Variants in PAPPA observed in about 807,000 individuals in gnomAD.
PAPPA encodes the protein pappalysin 1, also known as pappalysin-1.
Under a neutral mutation model 164.0 loss-of-function variants are expected in PAPPA, and 60 were observed. The ratio of observed to expected loss-of-function variants is 0.37; its 90% confidence interval spans 0.30 to 0.45. The LOEUF (loss-of-function observed/expected upper bound fraction) is 0.45. Among genes scored for constraint, PAPPA ranks in the 20% least tolerant of loss-of-function variants. The probability of loss-of-function intolerance (pLI) is 1.00; values close to 1 mark genes in which losing one functional copy is unlikely to be tolerated. For synonymous variants in PAPPA, 875 were observed against 814.1 expected (o/e 1.07, Z -1.27); for missense variants, 1,782 against 2,087.3 (o/e 0.85, Z 2.85).
At chr9:116,360,822 A>G (rs1846416764) in intron 17 of PAPPA, among the ~76,000 whole-genome samples, 1 of 152,194 alleles carries the variant, frequency 6.6e-6, no homozygotes, top group African/African-American at 2.4e-5. Flanking sequence ...AAGGTTGAAT[A>G]GGGCACCAGC....
intron 13 of PAPPA, among the ~76,000 whole-genome samples, chr9:116,335,863 T>C (rs570088784): frequency 2.0e-5 from 3 of 152,332 alleles, no homozygotes; most frequent in South Asian, 4.1e-4. Context: ...GAGGGTTACA[T>C]GTTGCACTAT....
At chr9:116,386,651 T>C (rs1488623821) in intron 21 of PAPPA, among the ~76,000 whole-genome samples, 1 of 152,138 alleles carries the variant, frequency 6.6e-6, no homozygotes, top group Admixed American at 6.5e-5. Context: ...GGTGCTGAGT[T>C]TCAGAAGAAG....
At chr9:116,177,305 C>T (rs931906453) in intron 1 of PAPPA, among the ~76,000 whole-genome samples, 1 of 152,220 alleles carries the variant, frequency 6.6e-6, no homozygotes, top group African/African-American at 2.4e-5. Flanking sequence ...GTGCTCTTCA[C>T]TACCAGACTG....
chr9:116,210,338 C>A (rs537349809), intron 3 of PAPPA, among the ~76,000 whole-genome samples: 1 of 152,272 alleles, frequency 6.6e-6, no homozygotes, highest in African/African-American at 2.4e-5. Context: ...AAATCAGAGA[C>A]CTCTGCATAG....
intron 7 of PAPPA, among the ~76,000 whole-genome samples, chr9:116,251,210 G>A (rs1167944347): frequency 1.3e-5 from 2 of 152,196 alleles, no homozygotes; most frequent in Non-Finnish European, 2.9e-5. Context: ...GTTTTGATGA[G>A]TTAAGTGTAA....
intron 9 of PAPPA, chr9:116,288,756 A>G (rs562503586): frequency 2.7e-4 from 41 of 152,192 alleles, no homozygotes; most frequent in African/African-American, 8.7e-4. Flanking sequence ...GATAGAAGAC[A>G]CTGTGGCTTG....
chr9:116,340,213 C>A (rs1846118192), intron 13 of PAPPA, among the ~76,000 whole-genome samples: 1 of 152,094 alleles, frequency 6.6e-6, no homozygotes. Context: ...AGCAGCAGAG[C>A]CTTTTATTTT....
chr9:116,200,571 G>A (rs947023558), intron 2 of PAPPA, among the ~76,000 whole-genome samples: 12 of 152,106 alleles, frequency 7.9e-5, no homozygotes, highest in Admixed American at 7.2e-4. Context: ...TACTTCAACA[G>A]TTCCAGTGTG....
chr9:116,158,045 C>T (rs1843623923), intron 1 of PAPPA, among the ~76,000 whole-genome samples: 1 of 152,166 alleles, frequency 6.6e-6, no homozygotes, highest in African/African-American at 2.4e-5. Context: ...TACTGCCCTC[C>T]TCCCACCCCT....
chr9:116,256,640 A>G (rs983851086), intron 7 of PAPPA, among the ~76,000 whole-genome samples: 16 of 152,026 alleles, frequency 1.1e-4, no homozygotes, highest in African/African-American at 3.9e-4. Context: ...TCACCACATA[A>G]TGATAAAAGG....
At chr9:116,328,237 G>T (rs1234159083) in intron 10 of PAPPA, among the ~76,000 whole-genome samples, 2 of 152,200 alleles carry the variant, frequency 1.3e-5, no homozygotes, top group African/African-American at 4.8e-5. Context: ...ATGTCGAATT[G>T]CTGGCCTGGA....
intron 19 of PAPPA, among the ~76,000 whole-genome samples, chr9:116,374,188 G>GTGTTGA (rs776190581): frequency 1.3e-4 from 14 of 108,352 alleles, no homozygotes; most frequent in South Asian, 1.1e-3. Context: ...GATGATGGTG[G>GTGTTGA]TGATGATGAT....
chr9:116,376,174 C>G (rs980937531), intron 19 of PAPPA, among the ~76,000 whole-genome samples: 1 of 152,082 alleles, frequency 6.6e-6, no homozygotes, highest in African/African-American at 2.4e-5. Context: ...GCATATGCCA[C>G]CACACCCAGC....
intron 4 of PAPPA, among the ~76,000 whole-genome samples, chr9:116,213,008 T>C (rs1844327418): frequency 2.0e-5 from 3 of 152,186 alleles, no homozygotes; most frequent in Admixed American, 6.5e-5. Flanking sequence ...AGTATTTTTC[T>C]CTTTTACTCT....
At chr9:116,156,308 A>G (rs919404447) in intron 1 of PAPPA, among the ~76,000 whole-genome samples, 1 of 111,866 alleles carries the variant, frequency 8.9e-6, no homozygotes, top group Non-Finnish European at 2.2e-5. Flanking sequence ...ATATACATGT[A>G]TATATATGTG....
chr9:116,226,032 A>G (rs1844503543), intron 5 of PAPPA, among the ~76,000 whole-genome samples: 1 of 152,196 alleles, frequency 6.6e-6, no homozygotes, highest in African/African-American at 2.4e-5. Context: ...CACAGAGGAA[A>G]TGATGTCAAA....
At chr9:116,180,871 C>T (rs1312277519) in intron 1 of PAPPA, among the ~76,000 whole-genome samples, 1 of 152,094 alleles carries the variant, frequency 6.6e-6, no homozygotes. Flanking sequence ...TTTCCTACCC[C>T]TTAGTGCTGT....
chr9:116,236,301 C>T (rs532015446), intron 7 of PAPPA, among the ~76,000 whole-genome samples: 1 of 152,030 alleles, frequency 6.6e-6, no homozygotes, highest in South Asian at 2.1e-4. Context: ...ATACTCACTT[C>T]CCGGCCAGGG....
At chr9:116,393,944 CAT>C (rs1846928083) in intron 21 of PAPPA, among the ~76,000 whole-genome samples, 1 of 152,126 alleles carries the variant, frequency 6.6e-6, no homozygotes, top group African/African-American at 2.4e-5. Flanking sequence ...TATTCTAAGA[CAT>C]ATAATTTTTT....
Sources: allele counts gnomAD v4.1 joint callset (sites outside exome capture counted in the v4.1 genomes callset), GRCh38; gene constraint gnomAD v4.1.1; transcripts MANE v1.5; gene names NCBI Gene and HGNC (gene_info 2026-07-23, HGNC 2026-07-21).